Variants in SIL1 observed in about 807,000 individuals in gnomAD.
SIL1 encodes SIL1 nucleotide exchange factor, also known as nucleotide exchange factor SIL1.
SIL1 carries 40 observed loss-of-function variants against 49.1 expected under a neutral mutation model. The observed-to-expected ratio is 0.81, with a 90% CI of 0.63 to 1.06. The LOEUF is 1.06. Among genes scored for constraint, SIL1 ranks in the 50% least tolerant of loss-of-function variants. The pLI, the probability that SIL1 is intolerant of heterozygous loss-of-function variation, is 0.00. For synonymous variants in SIL1, 253 were observed against 250.8 expected (o/e 1.01, Z -0.08); for missense variants, 500 against 572.6 (o/e 0.87, Z 1.29).
rs1194437751 is a variant in SIL1, at chr5:139,185,197, G to A, written c.-11+13072C>T. 2.6e-5 allele frequency among the ~76,000 whole-genome samples: 4 copies of A among 152,162 alleles called. No homozygotes were observed. The East Asian group carries it at 5.8e-4, about 22-fold the overall frequency. On this transcript the variant is annotated intron_variant, in intron 1 of 9. Coordinates refer to ENST00000394817, the MANE Select transcript of SIL1 (RefSeq NM_022464.5). ...TTCACTGTTGCGTGTAAGGGGTCCA[G>A]TCTGCATGAGTGTCAGGGTGTGTGA... is the stretch of plus-strand genomic sequence containing the variant.
chr5:138,957,696 T>C (rs1766931718), intron 7 of SIL1, among the ~76,000 whole-genome samples: 1 of 152,162 alleles, frequency 6.6e-6, no homozygotes, highest in South Asian at 2.1e-4. Context: ...TCTCTTAATA[T>C]TTACACAGAT....
intron 1 of SIL1, among the ~76,000 whole-genome samples, chr5:139,157,081 T>G (rs1751421486): frequency 1.3e-5 from 2 of 152,230 alleles, no homozygotes; most frequent in Non-Finnish European, 2.9e-5. Flanking sequence ...GCTCCTCTGC[T>G]GCAAAGCCTT....
In SIL1 at chr5:139,142,838, G is replaced by C. The variant is rs530959921; in HGVS notation, c.-10-14985C>G. Among the ~76,000 whole-genome samples, 6 of 151,956 alleles carry C rather than the reference G, an allele frequency of 3.9e-5. 1 individual carries two copies. In the South Asian group the frequency reaches 1.2e-3, roughly 32 times the overall value. ...GGCTGGAGTGCAGTGGCGCGATCTC[G>C]GTTCACTGCAAGCTCTGCCTTCCGG... is the stretch of plus-strand genomic sequence containing the variant. On this transcript the variant is annotated intron_variant, in intron 1 of 9. Transcript: ENST00000394817.
chr5:139,159,724 T>C (rs753630614), intron 1 of SIL1, among the ~76,000 whole-genome samples: 1 of 152,134 alleles, frequency 6.6e-6, no homozygotes, highest in Non-Finnish European at 1.5e-5. Context: ...AAGAGAGACC[T>C]TTGGAAGCTG....
At chr5:139,142,511 A>G (rs765628085) in intron 1 of SIL1, among the ~76,000 whole-genome samples, 2 of 152,202 alleles carry the variant, frequency 1.3e-5, no homozygotes, top group Admixed American at 6.5e-5. Context: ...AATGTAATAC[A>G]CCACATTAAT....
At chr5:139,157,733 G>A (rs1175030709) in intron 1 of SIL1, among the ~76,000 whole-genome samples, 1 of 152,196 alleles carries the variant, frequency 6.6e-6, no homozygotes, top group Non-Finnish European at 1.5e-5. Flanking sequence ...GGACACTGTG[G>A]CTGCTGTGGC....
intron 5 of SIL1, 94 bp from the exon 6 acceptor site, chr5:139,027,086 C>T: frequency 2.6e-6 from 3 of 1,161,514 alleles, no homozygotes; most frequent in Middle Eastern, 5.0e-4. Flanking sequence ...CAAAAAACTG[C>T]TGCTCCAAGA....
In SIL1 at chr5:138,947,288, C is replaced by T; in HGVS notation, c.1215G>A (p.Leu405=). 1 of 1,613,508 alleles carries T rather than the reference C, an allele frequency of 6.2e-7. No individual in the cohort carries two copies. The highest frequency in any genetic ancestry group is 8.5e-7 in the Non-Finnish European group (1 of 1,180,026). The change falls in exon 10 of 10, where the codon CTG becomes CTA. Residue 405 remains leucine, a synonymous_variant. Transcript: ENST00000394817. The surrounding 1 kb of genome is among the most constrained non-coding windows in gnomAD (Gnocchi z 4.1). ...GACGGTAGCGGTCCCGGCAGGTGGT[C>T]AGGAGGACGCCCAGTGTCTGCAGCA... ...EKVLQTLGVL[L]TTCRDRYRQD...
intron 3 of SIL1, among the ~76,000 whole-genome samples, chr5:139,101,891 A>G (rs1436802280): frequency 6.6e-6 from 1 of 152,252 alleles, no homozygotes; most frequent in African/African-American, 2.4e-5. Flanking sequence ...AGAAGAATCC[A>G]GGGACCACAT....
At chr5:139,053,401 T>C (rs1046409026) in intron 3 of SIL1, among the ~76,000 whole-genome samples, 2 of 152,230 alleles carry the variant, frequency 1.3e-5, no homozygotes, top group African/African-American at 4.8e-5. Flanking sequence ...ATCTGCGCCC[T>C]ATCACAGCTT....
At chr5:139,025,139 G>A (rs1322274565) in intron 6 of SIL1, among the ~76,000 whole-genome samples, 1 of 152,210 alleles carries the variant, frequency 6.6e-6, no homozygotes, top group Non-Finnish European at 1.5e-5. Flanking sequence ...CGTATCTCAA[G>A]TGCCTGGAAC....
intron 3 of SIL1, among the ~76,000 whole-genome samples, chr5:139,074,101 G>A (rs975795075): frequency 2.0e-5 from 3 of 152,184 alleles, no homozygotes; most frequent in Non-Finnish European, 4.4e-5. Flanking sequence ...CTGTCACCCA[G>A]GCTGGAATGC....
intron 2 of SIL1, among the ~76,000 whole-genome samples, chr5:139,126,875 C>T (rs1450946581): frequency 6.6e-6 from 1 of 152,162 alleles, no homozygotes; most frequent in Non-Finnish European, 1.5e-5. Context: ...GCGCTTTATC[C>T]AACATTTAGT....
chr5:139,027,923 AG>A (rs1341307702), intron 5 of SIL1, among the ~76,000 whole-genome samples: 1 of 152,200 alleles, frequency 6.6e-6, no homozygotes, highest in Non-Finnish European at 1.5e-5. Context: ...CACCAACCAA[AG>A]AAATGAATCA....
At chr5:139,107,407 A>T (rs1333596246) in intron 3 of SIL1, among the ~76,000 whole-genome samples, 2 of 152,248 alleles carry the variant, frequency 1.3e-5, no homozygotes, top group Non-Finnish European at 2.9e-5. Flanking sequence ...AAAAAGAAAA[A>T]AAAATACAGA....
At chr5:139,177,274 C>G (rs1009191311) in intron 1 of SIL1, among the ~76,000 whole-genome samples, 41 of 151,534 alleles carry the variant, frequency 2.7e-4, no homozygotes, top group Admixed American at 2.3e-3. Context: ...GAGACTGGCT[C>G]TGTCACCCAG....
At chr5:138,962,498 T>C (rs1013349928) in intron 7 of SIL1, among the ~76,000 whole-genome samples, 8 of 152,216 alleles carry the variant, frequency 5.3e-5, no homozygotes, top group African/African-American at 1.4e-4. Flanking sequence ...ACAATAATAT[T>C]TATCTCATGG....
At chr5:139,083,225 A>G (rs1037821440) in intron 3 of SIL1, among the ~76,000 whole-genome samples, 1 of 152,220 alleles carries the variant, frequency 6.6e-6, no homozygotes, top group African/African-American at 2.4e-5. Flanking sequence ...TGTACCTTGA[A>G]GGTTGAGGAC....
At chr5:139,052,256 T>C (rs750916492) in intron 3 of SIL1, among the ~76,000 whole-genome samples, 2 of 152,188 alleles carry the variant, frequency 1.3e-5, no homozygotes, top group Non-Finnish European at 2.9e-5. Context: ...GCCAGGGATA[T>C]CGCACACCAT....
Sources: allele counts gnomAD v4.1 joint callset (sites outside exome capture counted in the v4.1 genomes callset), GRCh38; gene constraint gnomAD v4.1.1; non-coding constraint Gnocchi (gnomAD v3.1); transcripts MANE v1.5; gene names NCBI Gene and HGNC (gene_info 2026-07-23, HGNC 2026-07-21).